NSD2: variants seen among roughly 807,000 people sequenced by gnomAD.
NSD2 encodes histone-lysine N-methyltransferase NSD2.
A neutral mutation model predicts 139.0 loss-of-function variants in NSD2; 12 were observed. That is an observed-to-expected ratio of 0.09 (90% CI 0.06 to 0.14). The LOEUF (loss-of-function observed/expected upper bound fraction) is 0.14, where lower values mean the gene tolerates loss of function less well. Ranked by LOEUF, NSD2 falls within the 10% of genes least tolerant of loss-of-function variation. NSD2 has a pLI of 1.00. For synonymous variants in NSD2, 669 were observed against 648.7 expected, an observed-to-expected ratio of 1.03 and a Z score of -0.48; for missense variants, 1,155 against 1,745.0, an observed-to-expected ratio of 0.66 and a Z score of 6.02.
At chr4:1,873,767 C>G (rs1172081765) in intron 1 of NSD2, among the ~76,000 whole-genome samples, 1 of 148,724 alleles carries the variant, frequency 6.7e-6, no homozygotes, top group African/African-American at 2.4e-5. Flanking sequence ...TACTAAGCTA[C>G]AGGATTCTCT....
chr4:1,954,911 C>CGGCTGCCCACGTG (rs1724643991), intron 12 of NSD2, among the ~76,000 whole-genome samples: 1 of 152,136 alleles, frequency 6.6e-6, no homozygotes, highest in South Asian at 2.1e-4. Context: ...ATGCCCAGGT[C>CGGCTGCCCACGTG]GGCTGCCCAC....
At chr4:1,978,475 C>T (rs1010937641) in intron 21 of NSD2, among the ~76,000 whole-genome samples, 163 bp from the exon 22 acceptor site, 7 of 152,162 alleles carry the variant, frequency 4.6e-5, no homozygotes, top group South Asian at 2.1e-4. Context: ...CCAGGGAGCC[C>T]GCCCGGGCTG....
chr4:1,872,557 G>A (rs1268511381), intron 1 of NSD2, among the ~76,000 whole-genome samples: 2 of 139,302 alleles, frequency 1.4e-5, no homozygotes, highest in Admixed American at 1.6e-4. Context: ...GGTAGATAAC[G>A]TGTATTTTGT....
chr4:1,913,479 T>A (rs959319224), intron 3 of NSD2, among the ~76,000 whole-genome samples: 23 of 152,250 alleles, frequency 1.5e-4, no homozygotes, highest in African/African-American at 5.5e-4. Context: ...CCTGGTCCAC[T>A]TTCATGTTCC....
chr4:1,968,388 G>C (rs1414496663), intron 18 of NSD2, among the ~76,000 whole-genome samples: 1 of 152,194 alleles, frequency 6.6e-6, no homozygotes, highest in East Asian at 1.9e-4. Context: ...GGGAGCACCG[G>C]GAGCGTGGTG....
intron 18 of NSD2, among the ~76,000 whole-genome samples, chr4:1,961,532 G>A (rs1408412962): frequency 6.6e-6 from 1 of 152,230 alleles, no homozygotes; most frequent in Non-Finnish European, 1.5e-5. Flanking sequence ...TAAGGTCTCA[G>A]CATCTTCTCT....
chr4:1,944,721 G>A, intron 9 of NSD2: 1 of 1,064,884 alleles, frequency 9.4e-7, no homozygotes, highest in Non-Finnish European at 1.1e-6. Flanking sequence ...TGATCTGAGA[G>A]CCATTGGGCC....
At chr4:1,902,292 A>G (rs62286999) in intron 2 of NSD2, among the ~76,000 whole-genome samples, 1,605 of 152,224 alleles carry the variant, frequency 0.011, 21 homozygotes, top group Middle Eastern at 0.014. Flanking sequence ...TGGTGTGATC[A>G]TGGCTCACAA....
At position 1,955,536 on chromosome 4, in the gene NSD2, T is replaced by C. The variant is rs1470937626; in HGVS notation, c.2519-157T>C. The C allele has an allele frequency of 1.6e-6, 2 of 1,237,278 alleles. No individual in the cohort carries two copies. Among genetic ancestry groups the C allele is most frequent in the Non-Finnish European group, 2.2e-6 (2 of 919,116 alleles). 76.6% of individuals were successfully genotyped at this position (1,237,278 alleles called of 1,614,324 possible). A position where few individuals can be genotyped will look rare whatever the true frequency, so the allele number is the denominator to read the frequency against. ...CAAACATACAGGAAATTATTTGTGG[T>C]GAAAATGACATTTGCTCTCGTGCTG... On this transcript the variant is annotated intron_variant, in intron 13 of 21. Transcript: ENST00000508803. This position sits in a 1 kb window ranked among gnomAD's most constrained non-coding sequence, Gnocchi z 4.7.
At position 1,942,106 on chromosome 4, in the gene NSD2, T is replaced by C. The variant is rs1222838058; in HGVS notation, c.1881+2328T>C. ...GGTTGGTATTTCAGAACACTTTAGGTCATGTTGTAGTTTAAATTCTTCTTG... is the reference window on the plus strand; with the variant it reads ...GGTTGGTATTTCAGAACACTTTAGGCCATGTTGTAGTTTAAATTCTTCTTG... On this transcript the variant is annotated intron_variant, in intron 9 of 21. Transcript: ENST00000508803. The surrounding 1 kb of genome is among the most constrained non-coding windows in gnomAD (Gnocchi z 4.0). The C allele has an allele frequency of 4.8e-6, 6 of 1,245,888 alleles. No homozygotes were observed. Among genetic ancestry groups the C allele is most frequent in the Non-Finnish European group, 6.1e-6 (6 of 988,896 alleles). 77.2% of individuals were successfully genotyped at this position (1,245,888 alleles called of 1,614,324 possible). A position where few individuals can be genotyped will look rare whatever the true frequency, so the allele number is the denominator to read the frequency against.
At chr4:1,978,193 G>C (rs1577592906) in intron 21 of NSD2, among the ~76,000 whole-genome samples, 1 of 152,336 alleles carries the variant, frequency 6.6e-6, no homozygotes, top group Non-Finnish European at 1.5e-5. Context: ...ACACGATAGA[G>C]AAAAGTGTTG....
At chr4:1,968,529 C>T (rs1726115713) in intron 18 of NSD2, among the ~76,000 whole-genome samples, 1 of 152,060 alleles carries the variant, frequency 6.6e-6, no homozygotes, top group African/African-American at 2.4e-5. Context: ...GTGTAACTTC[C>T]ACACCATTAA....
rs1019625425 is a variant in NSD2, at chr4:1,961,455, C to A, written c.3372+304C>A. Among the ~76,000 whole-genome samples, 4 of 152,222 alleles carry A rather than the reference C, an allele frequency of 2.6e-5. No homozygotes were observed. The South Asian group carries it at 6.2e-4, about 24-fold the overall frequency. On this transcript the variant is annotated intron_variant, in intron 18 of 21. Coordinates refer to ENST00000508803, the MANE Select transcript of NSD2 (RefSeq NM_001042424.3). ...GTAGAGAGGACACAGATGAGGAAGT[C>A]TCAGCATCTTCTTTTGTTTTTAAAA...
At chr4:1,940,989 G>T (rs916971257) in intron 9 of NSD2, 74 of 1,058,548 alleles carry the variant, frequency 7.0e-5, no homozygotes, top group Non-Finnish European at 8.2e-5. Context: ...GTGGGACTGG[G>T]GCTGCTTTAC....
chr4:1,920,373 C>T (rs534357758), intron 5 of NSD2, among the ~76,000 whole-genome samples: 4 of 152,010 alleles, frequency 2.6e-5, no homozygotes, highest in South Asian at 2.1e-4. Flanking sequence ...TCACTTGAAC[C>T]GGGAGGCCAC....
rs528632133 is a variant in NSD2 at position 1,957,738 on chromosome 4, C to T, written c.2882-195C>T. 3.3e-5 allele frequency among the ~76,000 whole-genome samples: 5 copies of T among 152,214 alleles called. No individual in the cohort carries two copies. In the East Asian group the frequency reaches 9.6e-4, roughly 29 times the overall value. ...AGAGAGGTGATGGCTGTTCTCTGAGCACTCCTTTGCCTCACACACTTGGCC... is the reference window on the plus strand; with the variant it reads ...AGAGAGGTGATGGCTGTTCTCTGAGTACTCCTTTGCCTCACACACTTGGCC... On this transcript the variant is annotated intron_variant, in intron 15 of 21. Transcript: ENST00000508803.
At chr4:1,891,133 A>G (rs1370642701) in intron 1 of NSD2, among the ~76,000 whole-genome samples, 3 of 152,098 alleles carry the variant, frequency 2.0e-5, no homozygotes, top group African/African-American at 7.2e-5. Context: ...GGCTCAAGCA[A>G]TCCTTCTGCC....
chr4:1,975,533 G>A, intron 20 of NSD2, 133 bp downstream of exon 20: 1 of 727,162 alleles, frequency 1.4e-6, no homozygotes, highest in Non-Finnish European at 2.3e-6. Context: ...CAAGTTCCCT[G>A]CTGTGGGCTG....
Position 1,973,194 on chromosome 4 carries a change from T to TGTAA in NSD2, c.3373-1666_3373-1663dup, listed in dbSNP as rs1369401352. Among the ~76,000 whole-genome samples, 3 of 152,124 alleles carry TGTAA rather than the reference T, an allele frequency of 2.0e-5. No homozygotes were observed. The highest frequency in any genetic ancestry group is 6.5e-5 in the Admixed American group (1 of 15,280). ...ATGTTTGGAATATCTAGGGAACATC[T>TGTAA]GTAAGTCAGTTAAGATAAATAAAAC... On this transcript the variant is annotated intron_variant, in intron 18 of 21. Coordinates refer to ENST00000508803, the MANE Select transcript of NSD2 (RefSeq NM_001042424.3). This position sits in a 1 kb window ranked among gnomAD's most constrained non-coding sequence, Gnocchi z 5.5.
Sources: allele counts gnomAD v4.1 joint callset (sites outside exome capture counted in the v4.1 genomes callset), GRCh38; gene constraint gnomAD v4.1.1; non-coding constraint Gnocchi (gnomAD v3.1); transcripts MANE v1.5; gene names NCBI Gene and HGNC (gene_info 2026-07-23, HGNC 2026-07-21).